CWC27: variants seen among roughly 807,000 people sequenced by gnomAD.
CWC27 encodes CWC27 spliceosome associated cyclophilin, also known as spliceosome-associated protein CWC27 homolog.
In CWC27, 47 loss-of-function variants were observed where a neutral mutation model predicts 63.6. The ratio of observed to expected loss-of-function variants is 0.74; its 90% CI spans 0.58 to 0.94. The LOEUF (loss-of-function observed/expected upper bound fraction) is 0.94. Ranked by LOEUF, CWC27 falls within the 40% of genes least tolerant of loss-of-function variation. The pLI, the probability that CWC27 is intolerant of heterozygous loss-of-function variation, is 0.00. For missense variants in CWC27, 495 were observed against 554.3 expected (o/e 0.89, Z 1.07); for synonymous variants, 175 against 179.8 (o/e 0.97, Z 0.22).
intron 11 of CWC27, among the ~76,000 whole-genome samples, chr5:64,911,973 CT>C (rs1308675299): frequency 2.0e-5 from 3 of 150,890 alleles, no homozygotes; most frequent in Non-Finnish European, 2.9e-5. Flanking sequence ...ACTTGGGAGG[CT>C]GAGGCAGGAG....
intron 11 of CWC27, among the ~76,000 whole-genome samples, chr5:64,932,358 CTT>C (rs796874383): frequency 6.8e-6 from 1 of 146,384 alleles, no homozygotes; most frequent in Admixed American, 6.8e-5. Context: ...GCCAATAGGA[CTT>C]TTTTTTTTTA....
chr5:64,942,219 G>A, intron 11 of CWC27, among the ~76,000 whole-genome samples: 1 of 151,612 alleles, frequency 6.6e-6, no homozygotes, highest in East Asian at 1.9e-4. Context: ...GAGGTCAGGA[G>A]TTCGAGACCA....
intron 11 of CWC27, among the ~76,000 whole-genome samples, chr5:64,933,776 CCA>C (rs1270093188): frequency 6.6e-6 from 1 of 152,186 alleles, no homozygotes; most frequent in Non-Finnish European, 1.5e-5. Flanking sequence ...CAGGCGTGAG[CCA>C]CCACGCCTAG....
At chr5:64,985,028 A>C (rs901509158) in intron 13 of CWC27, among the ~76,000 whole-genome samples, 3 of 152,202 alleles carry the variant, frequency 2.0e-5, no homozygotes, top group African/African-American at 7.2e-5. Context: ...TTATTCCAGT[A>C]CCATTTGTTA....
intron 1 of CWC27, among the ~76,000 whole-genome samples, chr5:64,771,513 A>G (rs949869243): frequency 5.3e-5 from 8 of 152,218 alleles, no homozygotes; most frequent in Admixed American, 5.2e-4. Context: ...TTTTAAGCAT[A>G]AGAGGTAATT....
chr5:64,883,488 T>G (rs1337424091), intron 10 of CWC27, among the ~76,000 whole-genome samples: 3 of 152,046 alleles, frequency 2.0e-5, no homozygotes, highest in African/African-American at 7.2e-5. Flanking sequence ...TCAACAATTA[T>G]AATATGGGAA....
rs1750090700 is a variant in CWC27 at position 65,018,502 on chromosome 5, G to T, written c.*181G>T. On this transcript the variant is annotated 3_prime_UTR_variant, in exon 14 of 14. Coordinates refer to ENST00000381070, the MANE Select transcript of CWC27 (RefSeq NM_005869.4). ...TGGAATGATGTAAGCAAATGCTTTT[G>T]GTTACTGGTACATGTGTTTTTTCCT... is the stretch of plus-strand genomic sequence containing the variant. 2.1e-6 allele frequency: 1 copy of T among 486,262 alleles called. No individual in the cohort carries two copies. The highest frequency in any genetic ancestry group is 3.5e-6 in the Non-Finnish European group (1 of 285,236). 30.1% of individuals were successfully genotyped at this position (486,262 alleles called of 1,614,324 possible). A position where few individuals can be genotyped will look rare whatever the true frequency, so the allele number is the denominator to read the frequency against.
intron 10 of CWC27, among the ~76,000 whole-genome samples, chr5:64,825,781 A>G (rs1310984389): frequency 3.3e-5 from 5 of 152,204 alleles, no homozygotes; most frequent in African/African-American, 7.2e-5. Context: ...TTATTCCATC[A>G]AAAACTAATC....
At chr5:65,005,398 C>T (rs1487082226) in intron 13 of CWC27, among the ~76,000 whole-genome samples, 1 of 152,178 alleles carries the variant, frequency 6.6e-6, no homozygotes, top group Non-Finnish European at 1.5e-5. Context: ...GCAGGGCAGA[C>T]TTGTCCTCAG....
intron 11 of CWC27, among the ~76,000 whole-genome samples, chr5:64,954,720 A>T (rs1157740409): frequency 6.7e-6 from 1 of 149,458 alleles, no homozygotes; most frequent in Non-Finnish European, 1.5e-5. Flanking sequence ...CTAAATATAT[A>T]GCCACAAGCC....
intron 13 of CWC27, among the ~76,000 whole-genome samples, chr5:64,991,951 A>G (rs1304219247): frequency 6.6e-6 from 1 of 152,192 alleles, no homozygotes; most frequent in Non-Finnish European, 1.5e-5. Context: ...TAATAAAATT[A>G]TACAGAATAA....
chr5:65,001,514 G>A (rs1279617762), intron 13 of CWC27, among the ~76,000 whole-genome samples: 1 of 152,026 alleles, frequency 6.6e-6, no homozygotes, highest in African/African-American at 2.4e-5. Context: ...TTTTTTGAGA[G>A]TTTTTAATCA....
intron 11 of CWC27, among the ~76,000 whole-genome samples, chr5:64,915,613 T>C (rs1268417749): frequency 6.6e-6 from 1 of 152,134 alleles, no homozygotes; most frequent in African/African-American, 2.4e-5. Flanking sequence ...ACTTTTATCC[T>C]TTTGGTTCCC....
chr5:64,826,578 A>G (rs948170886), intron 10 of CWC27, among the ~76,000 whole-genome samples: 2 of 152,170 alleles, frequency 1.3e-5, no homozygotes, highest in African/African-American at 4.8e-5. Flanking sequence ...TCCTTGATCA[A>G]TCAGTTTTTT....
At chr5:64,894,433 GT>G (rs1287980215) in intron 11 of CWC27, among the ~76,000 whole-genome samples, 2 of 151,998 alleles carry the variant, frequency 1.3e-5, no homozygotes, top group Non-Finnish European at 2.9e-5. Context: ...ATCTACTTTG[GT>G]TTTGGCTAGA....
intron 13 of CWC27, among the ~76,000 whole-genome samples, chr5:64,990,097 C>G (rs1209514035): frequency 6.6e-6 from 1 of 152,148 alleles, no homozygotes. Flanking sequence ...AGTACTCCCT[C>G]TTGTTCTTCT....
intron 11 of CWC27, among the ~76,000 whole-genome samples, chr5:64,911,840 C>T (rs879780688): frequency 4.0e-5 from 6 of 151,878 alleles, no homozygotes; most frequent in Non-Finnish European, 8.8e-5. Context: ...TTTGGGAGGC[C>T]GAGGTGGGCG....
intron 11 of CWC27, among the ~76,000 whole-genome samples, chr5:64,964,675 C>T (rs1748980253): frequency 6.6e-6 from 1 of 152,110 alleles, no homozygotes; most frequent in Non-Finnish European, 1.5e-5. Context: ...GTAAAATTAG[C>T]CCAAGCTAAA....
intron 13 of CWC27, among the ~76,000 whole-genome samples, chr5:64,979,360 A>T (rs992024941): frequency 6.6e-6 from 1 of 152,210 alleles, no homozygotes; most frequent in Non-Finnish European, 1.5e-5. Context: ...TATTTGTTTT[A>T]TCTAACATCT....
Sources: gnomAD v4.1 joint callset for allele counts (sites outside exome capture counted in the v4.1 genomes callset) on GRCh38, gnomAD v4.1.1 for gene constraint, MANE v1.5 for transcripts, NCBI Gene and HGNC (gene_info 2026-07-23, HGNC 2026-07-21) for gene names.